ZNF611: variants seen among roughly 807,000 people sequenced by gnomAD.
The protein encoded by ZNF611 is zinc finger protein 611.
A neutral mutation model predicts 8.9 loss-of-function variants in ZNF611; 6 were observed. That is an observed-to-expected ratio of 0.68 (90% CI 0.37 to 1.34). The LOEUF (loss-of-function observed/expected upper bound fraction) is 1.34. ZNF611 is among the 40% of genes most tolerant of loss of function. The pLI is 0.02. For synonymous variants in ZNF611, 262 were observed against 279.7 expected, an observed-to-expected ratio of 0.94 and a Z score of 0.63; for missense variants, 874 against 841.3, an observed-to-expected ratio of 1.04 and a Z score of -0.48.
intron 3 of ZNF611, among the ~76,000 whole-genome samples, chr19:52,719,750 C>T (rs1029253568): frequency 6.6e-6 from 1 of 152,130 alleles, no homozygotes; most frequent in African/African-American, 2.4e-5. Context: ...TCCTGTTTTG[C>T]TTCATTCTTT....
At chr19:52,711,897 G>A (rs539781907) in intron 5 of ZNF611, among the ~76,000 whole-genome samples, 4,350 of 151,562 alleles carry the variant, frequency 0.029, 170 homozygotes, top group African/African-American at 0.097. Flanking sequence ...AAGGGTGGAC[G>A]GCAGGAAGTA....
chr19:52,707,959 T>G (rs2062256167), intron 5 of ZNF611, among the ~76,000 whole-genome samples: 1 of 152,124 alleles, frequency 6.6e-6, no homozygotes, highest in Admixed American at 6.6e-5. Flanking sequence ...GAATAGTGCA[T>G]GTCAGTTATA....
Position 52,734,305 on chromosome 19 carries a change from GCTCT to G in ZNF611, c.-222+692_-222+695del, listed in dbSNP as rs1227715302. Among the ~76,000 whole-genome samples the G allele has an allele frequency of 2.0e-5, 3 of 149,842 alleles. No homozygotes were observed. In the South Asian group the frequency reaches 6.3e-4, roughly 31 times the overall value. On this transcript the variant is annotated intron_variant, in intron 1 of 5. Transcript: ENST00000652185. Reference sequence around the variant, plus strand: ...TTTTCTCTGCCTCAGGTTTTCTACTGCTCTCTGTCTCCTGATTCCTTTGGCCCAC... The same window carrying G: ...TTTTCTCTGCCTCAGGTTTTCTACTGCTGTCTCCTGATTCCTTTGGCCCAC...
At chr19:52,719,625 C>T (rs2147434804) in intron 3 of ZNF611, among the ~76,000 whole-genome samples, 1 of 152,334 alleles carries the variant, frequency 6.6e-6, no homozygotes, top group East Asian at 1.9e-4. Context: ...ACCCAGGGTC[C>T]CCCTTCATCT....
intron 5 of ZNF611, among the ~76,000 whole-genome samples, chr19:52,709,366 G>A (rs1344088009): frequency 1.3e-5 from 2 of 151,766 alleles, no homozygotes; most frequent in Admixed American, 1.3e-4. Flanking sequence ...TCTGCCTCCC[G>A]GGTTCAAGCG....
rs1307793369 is a variant in ZNF611 at position 52,726,399 on chromosome 19, T to A, written c.-20+2331A>T. On this transcript the variant is annotated intron_variant, in intron 3 of 5. Coordinates refer to ENST00000652185, the MANE Select transcript of ZNF611 (RefSeq NM_001161499.2). ...TCTCTTCATTGTCTCTCTCGCGCGC[T>A]CTTTTTCTTTTCTTTCCTTTTTATT... Among the ~76,000 whole-genome samples the A allele has an allele frequency of 1.1e-4, 16 of 152,142 alleles. 1 individual carries two copies. Among genetic ancestry groups the A allele is most frequent in the Admixed American group, 1.0e-3 (16 of 15,266 alleles).
chr19:52,727,911 T>TTG (rs541398179), intron 3 of ZNF611, among the ~76,000 whole-genome samples: 31 of 138,160 alleles, frequency 2.2e-4, no homozygotes, highest in African/African-American at 9.4e-4. Flanking sequence ...GTGTGCCTTT[T>TTG]TTTTTTTTTT....
chr19:52,714,197 C>T, intron 4 of ZNF611, 56 bp from the exon 5 acceptor site: 1 of 1,584,694 alleles, frequency 6.3e-7, no homozygotes, highest in Non-Finnish European at 8.5e-7. Context: ...TTATCACCTT[C>T]ACAGAAAATG....
chr19:52,722,905 G>GTT (rs372056346), intron 3 of ZNF611, among the ~76,000 whole-genome samples: 14,892 of 119,872 alleles, frequency 0.12, 1,190 homozygotes, highest in Non-Finnish European at 0.15. Flanking sequence ...TTTTGTTTTC[G>GTT]TTTTTTTTTT....
At chr19:52,734,185 AGG>A (rs56353342) in intron 1 of ZNF611, among the ~76,000 whole-genome samples, 47,939 of 132,456 alleles carry the variant, frequency 0.36, 8,031 homozygotes, top group East Asian at 0.43. Flanking sequence ...CTGCTTTCTT[AGG>A]TTTTTTTTTT....
At position 52,712,480 on chromosome 19, in the gene ZNF611, A is replaced by C. The variant is rs1030780993; in HGVS notation, c.190+1535T>G. On this transcript the variant is annotated intron_variant, in intron 5 of 5. Coordinates refer to ENST00000652185, the MANE Select transcript of ZNF611 (RefSeq NM_001161499.2). ...CTAAAAAAAAAAAAAAAAAAAAAAA[A>C]AAAAAAACATTGGCCGGGCATGGTG... Among the ~76,000 whole-genome samples the C allele has an allele frequency of 2.4e-4, 36 of 148,574 alleles. 1 individual carries two copies. Among genetic ancestry groups the C allele is most frequent in the East Asian group, 2.0e-4 (1 of 5,096 alleles).
intron 5 of ZNF611, among the ~76,000 whole-genome samples, chr19:52,712,631 C>G (rs2147424818): frequency 7.0e-6 from 1 of 142,118 alleles, no homozygotes; most frequent in South Asian, 2.3e-4. Context: ...GAGCAATACT[C>G]CGTCTGAAAA....
chr19:52,713,933 A>C, intron 5 of ZNF611, 82 bp downstream of exon 5: 13 of 1,585,296 alleles, frequency 8.2e-6, no homozygotes, highest in Non-Finnish European at 1.1e-5. Flanking sequence ...ATGGGGCAAA[A>C]TCACAAAAGA....
intron 3 of ZNF611, among the ~76,000 whole-genome samples, 170 bp downstream of exon 3, chr19:52,728,560 A>C (rs982752253): frequency 1.3e-5 from 2 of 151,526 alleles, no homozygotes; most frequent in African/African-American, 4.9e-5. Flanking sequence ...AGAAAAGAGA[A>C]AGAAAGAATA....
rs538494905 is a variant in ZNF611 at position 52,723,634 on chromosome 19, G to A, written c.-20+5096C>T. 4 of 152,272 alleles carry A rather than the reference G, an allele frequency of 2.6e-5. No individual in the cohort carries two copies. The East Asian group carries it at 5.8e-4, about 22-fold the overall frequency. The allele number at this position is 152,272 out of a possible 1,614,324, so 9.4% of individuals were successfully genotyped here. On this transcript the variant is annotated intron_variant, in intron 3 of 5. Coordinates refer to ENST00000652185, the MANE Select transcript of ZNF611 (RefSeq NM_001161499.2). ...GATGAGAGACTGAGAAAAGAAATAA[G>A]ACAGAGACAACGTATAGAGAAAGAA...
chr19:52,716,080 T>C, intron 3 of ZNF611, 167 bp from the exon 4 acceptor site: 1 of 736,010 alleles, frequency 1.4e-6, no homozygotes, highest in Non-Finnish European at 2.2e-6. Flanking sequence ...GACCTATGAG[T>C]GTATATTTGA....
At chr19:52,731,536 G>C (rs1315804559) in intron 1 of ZNF611, among the ~76,000 whole-genome samples, 5 of 150,522 alleles carry the variant, frequency 3.3e-5, no homozygotes. Context: ...GCTAATTTTT[G>C]TATTTTTTTT....
At chr19:52,710,987 T>C (rs1405495698) in intron 5 of ZNF611, among the ~76,000 whole-genome samples, 1 of 149,032 alleles carries the variant, frequency 6.7e-6, no homozygotes, top group Non-Finnish European at 1.5e-5. Flanking sequence ...GAGCCGAGAC[T>C]GCACCACTGC....
At position 52,705,631 on chromosome 19, in the gene ZNF611, A is replaced by G. The variant is rs767158629; in HGVS notation, c.1424T>C (p.Ile475Thr). 1.2e-5 allele frequency: 20 copies of G among 1,613,818 alleles called. No homozygotes were observed. Among genetic ancestry groups the G allele is most frequent in the Non-Finnish European group, 1.7e-5 (20 of 1,179,924 alleles). ...CTTGTAAGGTTTTTCTCCACAGTCA[A>G]TTCTAGTATGTTTTGCCAGTTGTGA... ...WSSQLAKHTR[I>T]DCGEKPYKCN... The change falls in exon 6 of 6, where the codon ATT becomes ACT. Residue 475 changes from isoleucine (I) to threonine (T), a missense_variant. By Grantham distance (89) the Ile-to-Thr change is moderately conservative (BLOSUM62 -1). Transcript: ENST00000652185.
Sources: gnomAD v4.1 joint callset for allele counts (sites outside exome capture counted in the v4.1 genomes callset) on GRCh38, gnomAD v4.1.1 for gene constraint, MANE v1.5 for transcripts, NCBI Gene and HGNC (gene_info 2026-07-23, HGNC 2026-07-21) for gene names.